The following LRRIQ3 variants were observed in gnomAD, a reference collection of about 807,000 sequenced individuals.
The protein encoded by LRRIQ3 is leucine rich repeats and IQ motif containing 3, also known as leucine-rich repeat and IQ domain-containing protein 3.
A neutral mutation model predicts 59.3 loss-of-function variants in LRRIQ3; 75 were observed. That is an observed-to-expected ratio of 1.26 (90% CI 1.05 to 1.53). The LOEUF (loss-of-function observed/expected upper bound fraction) is 1.53, where lower values mean the gene tolerates loss of function less well. Ranked by LOEUF, LRRIQ3 falls within the 40% of genes most tolerant of loss-of-function variation. The pLI is 0.00. For synonymous variants in LRRIQ3, 250 were observed against 231.3 expected (o/e 1.08, Z -0.73); for missense variants, 831 against 710.0 (o/e 1.17, Z -1.94).
rs1646662514 is a variant in LRRIQ3 at position 74,109,572 on chromosome 1, G to A, written c.708-19C>T. On this transcript the variant is annotated intron_variant, in intron 4 of 7. Transcript: ENST00000354431. ...CACAGGGCTGAATATAAGGGGAGGG[G>A]AAAACTATTTGTTAGTTTTTTGCCA... 6 of 1,529,382 alleles carry A rather than the reference G, an allele frequency of 3.9e-6. No homozygotes were observed. Among genetic ancestry groups the A allele is most frequent in the Non-Finnish European group, 5.2e-6 (6 of 1,148,344 alleles). The allele number at this position is 1,529,382 out of a possible 1,614,324, so 94.7% of individuals were successfully genotyped here.
chr1:74,070,889 A>G (rs1244446897), intron 6 of LRRIQ3, among the ~76,000 whole-genome samples: 1 of 151,586 alleles, frequency 6.6e-6, no homozygotes, highest in African/African-American at 2.4e-5. Flanking sequence ...CAGAAAAAAT[A>G]GAGAAATTAT....
At chr1:74,048,213 T>A (rs1379089476) in intron 6 of LRRIQ3, among the ~76,000 whole-genome samples, 2 of 152,190 alleles carry the variant, frequency 1.3e-5, no homozygotes, top group African/African-American at 4.8e-5. Context: ...CCAACTGGTA[T>A]GCTGTGGCAA....
intron 4 of LRRIQ3, among the ~76,000 whole-genome samples, chr1:74,147,470 G>A (rs1570208640): frequency 1.3e-5 from 2 of 152,038 alleles, no homozygotes; most frequent in African/African-American, 4.8e-5. Context: ...GATAACATAG[G>A]TTGCTACCCT....
chr1:74,045,586 A>G (rs1226989347), intron 6 of LRRIQ3, among the ~76,000 whole-genome samples: 1 of 152,138 alleles, frequency 6.6e-6, no homozygotes, highest in Non-Finnish European at 1.5e-5. Context: ...CTCCTATTCA[A>G]CATAGTATTG....
chr1:74,049,234 C>T (rs1456456771), intron 6 of LRRIQ3, among the ~76,000 whole-genome samples: 1 of 152,104 alleles, frequency 6.6e-6, no homozygotes, highest in Non-Finnish European at 1.5e-5. Context: ...AGAGGTAAGG[C>T]AGGGGCCAGA....
chr1:74,062,190 A>T (rs568792631), intron 6 of LRRIQ3, among the ~76,000 whole-genome samples: 5 of 152,240 alleles, frequency 3.3e-5, no homozygotes, highest in Non-Finnish European at 5.9e-5. Context: ...CCAAAAACCT[A>T]TAGGGAACTT....
chr1:74,150,565 T>C (rs1392109989), intron 4 of LRRIQ3, among the ~76,000 whole-genome samples: 1 of 152,158 alleles, frequency 6.6e-6, no homozygotes, highest in African/African-American at 2.4e-5. Context: ...AAATGCAGTC[T>C]AAGTATCTTA....
chr1:74,053,226 T>C (rs1654423562), intron 6 of LRRIQ3, among the ~76,000 whole-genome samples: 1 of 139,078 alleles, frequency 7.2e-6, no homozygotes, highest in African/African-American at 2.6e-5. Context: ...CTTACACCCA[T>C]GACAAAAATC....
intron 5 of LRRIQ3, among the ~76,000 whole-genome samples, chr1:74,087,381 CTTTTTTTTTTTTTT>C (rs57068994): frequency 3.4e-5 from 2 of 59,006 alleles, no homozygotes; most frequent in African/African-American, 1.4e-4. Flanking sequence ...AAAATTTTAT[CTTTTTTTTTTTTTT>C]TTTTTTTTTT....
At chr1:74,127,412 T>A (rs1342560883) in intron 4 of LRRIQ3, among the ~76,000 whole-genome samples, 1 of 151,972 alleles carries the variant, frequency 6.6e-6, no homozygotes, top group African/African-American at 2.4e-5. Flanking sequence ...TGATTTGTGA[T>A]CTTCTCTTCT....
intron 6 of LRRIQ3, among the ~76,000 whole-genome samples, chr1:74,046,123 G>C (rs1654196042): frequency 1.3e-5 from 2 of 151,938 alleles, no homozygotes; most frequent in Admixed American, 1.3e-4. Context: ...AGTTCATATG[G>C]AACCAAAAAA....
At chr1:74,190,181 A>G (rs1310543283) in intron 1 of LRRIQ3, among the ~76,000 whole-genome samples, 1 of 152,172 alleles carries the variant, frequency 6.6e-6, no homozygotes, top group Non-Finnish European at 1.5e-5. Flanking sequence ...AGGAACAGAC[A>G]CACAGATGTC....
intron 5 of LRRIQ3, chr1:74,083,961 A>G (rs945505012): frequency 4.9e-6 from 2 of 411,674 alleles, no homozygotes; most frequent in African/African-American, 4.1e-5. Context: ...GAGGAAGGAA[A>G]TAATATCATG....
chr1:74,173,512 C>T (rs1385938213), intron 3 of LRRIQ3, among the ~76,000 whole-genome samples: 1 of 151,698 alleles, frequency 6.6e-6, no homozygotes, highest in African/African-American at 2.4e-5. Context: ...TTTTGTGTAT[C>T]TACCATAGGT....
chr1:74,190,787 A>C (rs1207238702), intron 1 of LRRIQ3, among the ~76,000 whole-genome samples: 1 of 152,142 alleles, frequency 6.6e-6, no homozygotes, highest in African/African-American at 2.4e-5. Flanking sequence ...TTTTTAAAAA[A>C]TCTTACTTAT....
intron 4 of LRRIQ3, among the ~76,000 whole-genome samples, chr1:74,152,101 T>TATTTTGTTC (rs1331440743): frequency 3.9e-4 from 59 of 152,028 alleles, no homozygotes; most frequent in African/African-American, 1.4e-3. Context: ...TTACACCTAT[T>TATTTTGTTC]ATTTCAAAAT....
chr1:74,048,683 ATT>A lies in LRRIQ3; in HGVS notation c.998-6752_998-6751del, dbSNP rs11349176. ...CTTTAGTTCTTAACTTTTTATGTAAATTTTTTTTCCTTTGTGTTTGAGAGTTG... is the reference window on the plus strand; with the variant it reads ...CTTTAGTTCTTAACTTTTTATGTAAATTTTTTCCTTTGTGTTTGAGAGTTG... On this transcript the variant is annotated intron_variant, in intron 6 of 7. Transcript: ENST00000354431. Among the ~76,000 whole-genome samples, 11 of 151,836 alleles carry A rather than the reference ATT, an allele frequency of 7.2e-5. No homozygotes were observed. In the East Asian group the frequency reaches 1.3e-3, roughly 19 times the overall value.
chr1:74,121,627 C>T (rs1014544177), intron 4 of LRRIQ3, among the ~76,000 whole-genome samples: 2 of 151,986 alleles, frequency 1.3e-5, no homozygotes, highest in African/African-American at 4.8e-5. Flanking sequence ...TGCATGTGCA[C>T]AACGTGCAGG....
intron 4 of LRRIQ3, among the ~76,000 whole-genome samples, chr1:74,129,638 C>T (rs1241512727): frequency 6.6e-6 from 1 of 151,898 alleles, no homozygotes; most frequent in Non-Finnish European, 1.5e-5. Context: ...TCCATTTTTC[C>T]TCGAGAAGAA....
Sources: allele counts gnomAD v4.1 joint callset (sites outside exome capture counted in the v4.1 genomes callset), GRCh38; gene constraint gnomAD v4.1.1; transcripts MANE v1.5; gene names NCBI Gene and HGNC (gene_info 2026-07-23, HGNC 2026-07-21).